The following RHOT2 variants were observed in gnomAD, a reference collection of about 807,000 sequenced individuals.
RHOT2 encodes mitochondrial Rho GTPase 2.
A neutral mutation model predicts 81.6 loss-of-function variants in RHOT2; 90 were observed. That is an observed-to-expected ratio of 1.10 (90% CI 0.93 to 1.31). The LOEUF (loss-of-function observed/expected upper bound fraction) is 1.31, where lower values mean the gene tolerates loss of function less well. Among genes scored for constraint, RHOT2 ranks in the 40% most tolerant of loss-of-function variants. The pLI is 0.00. For synonymous variants in RHOT2, 512 were observed against 370.9 expected, an observed-to-expected ratio of 1.38 and a Z score of -4.37; for missense variants, 1,014 against 841.9, an observed-to-expected ratio of 1.20 and a Z score of -2.53.
At position 673,010 on chromosome 16, in the gene RHOT2, C is replaced by T. The variant is rs571473801; in HGVS notation, c.1610C>T (p.Pro537Leu). Residue 537 changes from proline to leucine, a missense_variant, in exon 18 of 19, where the codon CCA becomes CTA. Transcript: ENST00000315082. ...CCCGAAGGTGTCGCGGTGTCTGGCC[C>T]ATCACCGGCCGAGTTTTGCCGCAAG... ...DLPEGVAVSG[P>L]SPAEFCRKHR... 2 of 1,612,616 alleles carry T rather than the reference C, an allele frequency of 1.2e-6. No individual in the cohort carries two copies. The highest frequency in any genetic ancestry group is 2.7e-5 in the African/African-American group (2 of 75,062).
rs150414071 is a variant in RHOT2, at chr16:669,161, G to A, written c.223-392G>A. ...GGTCCTGTCACTCTGTCTGTAGCGAGGGGGGAGGCAGGGGCCAAGGCGGCG... is the reference window on the plus strand; with the variant it reads ...GGTCCTGTCACTCTGTCTGTAGCGAAGGGGGAGGCAGGGGCCAAGGCGGCG... On this transcript the variant is annotated intron_variant, in intron 4 of 18. Coordinates refer to ENST00000315082, the MANE Select transcript of RHOT2 (RefSeq NM_138769.3). 2.0e-5 allele frequency: 8 copies of A among 393,096 alleles called. No homozygotes were observed. The South Asian group carries it at 2.4e-4, about 12-fold the overall frequency. 24.4% of individuals were successfully genotyped at this position (393,096 alleles called of 1,614,324 possible).
At chr16:669,526 A>C (rs936754406) in intron 4 of RHOT2, 27 bp from the exon 5 acceptor site, 3 of 1,609,434 alleles carry the variant, frequency 1.9e-6, no homozygotes, top group Non-Finnish European at 2.5e-6. Flanking sequence ...CAGCCCTGTC[A>C]CCCACACCTC....
rs993579294 is a variant in RHOT2, at chr16:669,253, C to T, written c.223-300C>T. ...GTCCTGAGCCCTCTGCTCCAAGGGT[C>T]TTGCTGACCACAGTTATGCTTCTGG... On this transcript the variant is annotated intron_variant, in intron 4 of 18. Transcript: ENST00000315082. 4.4e-5 allele frequency: 23 copies of T among 522,712 alleles called. 1 individual carries two copies. In the South Asian group the frequency reaches 4.4e-4, roughly 10 times the overall value. The allele number at this position is 522,712 out of a possible 1,614,324, so 32.4% of individuals were successfully genotyped here. A position where few individuals can be genotyped will look rare whatever the true frequency, so the allele number is the denominator to read the frequency against.
Position 668,492 on chromosome 16 carries a change from C to T in RHOT2, c.101C>T (p.Pro34Leu). ...GAGCGCGCGGGTCCCTTGCAGGTCC[C>T]TCCCCGCGCGGAGGAGATCACCATC... ...LVGEEFPEEV[P>L]PRAEEITIPA... Residue 34 changes from proline (P) to leucine (L), a missense_variant, in exon 3 of 19, where the codon CCT (proline) becomes CTT (leucine). Pro to Leu is a moderately conservative substitution (Grantham distance 98, BLOSUM62 -3). Coordinates refer to ENST00000315082, the MANE Select transcript of RHOT2 (RefSeq NM_138769.3). 6.2e-7 allele frequency: 1 copy of T among 1,605,696 alleles called. No homozygotes were observed. Among genetic ancestry groups the T allele is most frequent in the Non-Finnish European group, 8.5e-7 (1 of 1,176,936 alleles).
At position 672,106 on chromosome 16, in the gene RHOT2, C is replaced by G. The variant is rs551849157; in HGVS notation, c.1120C>G (p.Arg374Gly). 1.2e-5 allele frequency: 19 copies of G among 1,612,640 alleles called. No individual in the cohort carries two copies. Among genetic ancestry groups the G allele is most frequent in the Non-Finnish European group, 1.5e-5 (18 of 1,179,926 alleles). ...CAGCCTGGTGACCTACCTGGACGTC[C>G]GGAGCTGCCTTGGACACCTAGGCTA... Reference protein sequence around the residue: ...QWTLVTYLDVRSCLGHLGYLG... With the variant: ...QWTLVTYLDVGSCLGHLGYLG... The change falls in exon 14 of 19, where the codon CGG (arginine) becomes GGG (glycine). Residue 374 changes from arginine (R) to glycine (G), a missense_variant. Arg to Gly is a moderately radical substitution (Grantham distance 125, BLOSUM62 -2). Coordinates refer to ENST00000315082, the MANE Select transcript of RHOT2 (RefSeq NM_138769.3).
At chr16:668,315 G>GAA in intron 1 of RHOT2, 38 bp from the exon 2 acceptor site, 2 of 1,281,346 alleles carry the variant, frequency 1.6e-6, no homozygotes, top group South Asian at 2.5e-5. Flanking sequence ...GGGGCGCCGT[G>GAA]ACCTTGGCCC....
In RHOT2 at chr16:671,190, T is replaced by C. The variant is rs2038874766; in HGVS notation, c.856T>C (p.Tyr286His). The C allele has an allele frequency of 6.4e-7, 1 of 1,564,580 alleles. No individual in the cohort carries two copies. Among genetic ancestry groups the C allele is most frequent in the South Asian group, 1.2e-5 (1 of 85,586 alleles). The change falls in exon 11 of 19, where the codon TAT becomes CAT. Residue 286 changes from tyrosine (Y) to histidine (H), a missense_variant. Tyr to His is a moderately conservative substitution (Grantham distance 83). Transcript: ENST00000315082. ...CGATGCCCTGGAGCTGACTGCGGAC[T>C]ATCTCTCCCCTCTGTGAGTGATGCC... Reference protein sequence around the residue: ...YSDALELTADYLSPLIHVPPG... With the variant: ...YSDALELTADHLSPLIHVPPG...
chr16:668,823 G>A, intron 4 of RHOT2, 124 bp downstream of exon 4: 1 of 1,071,626 alleles, frequency 9.3e-7, no homozygotes, highest in Non-Finnish European at 1.3e-6. Flanking sequence ...TGTGACCTCC[G>A]CACTGAGGGT....
At position 670,721 on chromosome 16, in the gene RHOT2, C is replaced by G. The variant is rs565061375; in HGVS notation, c.587C>G (p.Ser196Ter). Residue 196 changes from serine to a stop codon, truncating the protein, a stop_gained, in exon 9 of 19, where the codon TCA (serine) becomes TGA (stop). Coordinates refer to ENST00000315082, the MANE Select transcript of RHOT2 (RefSeq NM_138769.3). LOFTEE classifies it high-confidence loss of function. ...AQALTRIFRL[S>*]DQDLDQALSD... Reference sequence around the variant, plus strand: ...GCGCTGACGCGCATCTTCAGGCTCTCAGATCAGGACCTGGACCAGGCGCTC... The same window carrying G: ...GCGCTGACGCGCATCTTCAGGCTCTGAGATCAGGACCTGGACCAGGCGCTC... 1 of 1,612,470 alleles carries G rather than the reference C, an allele frequency of 6.2e-7. No individual in the cohort carries two copies. The highest frequency in any genetic ancestry group is 1.3e-5 in the African/African-American group (1 of 75,064).
At position 672,167 on chromosome 16, in the gene RHOT2, C is replaced by T. The variant is rs573718096; in HGVS notation, c.1181C>T (p.Ala394Val). 7 of 1,612,712 alleles carry T rather than the reference C, an allele frequency of 4.3e-6. No homozygotes were observed. The highest frequency in any genetic ancestry group is 2.2e-5 in the East Asian group (1 of 44,868). Reference protein sequence around the residue: ...GYPTLCEQDQAHAITVTREKR... With the variant: ...GYPTLCEQDQVHAITVTREKR... ...CCCACCCTCTGTGAGCAGGACCAGG[C>T]CCATGCCATCACAGGTAGGCACCCA... Residue 394 changes from alanine to valine, a missense_variant, in exon 14 of 19, where the codon GCC (alanine) becomes GTC (valine). By Grantham distance (64) the Ala-to-Val change is moderately conservative (BLOSUM62 0). Transcript: ENST00000315082.
chr16:668,717 G>A lies in RHOT2; in HGVS notation c.222+18G>A. The stretch of plus-strand genomic sequence containing the variant: ...TCCACAAGGTACCCGTGGTGCGCGG[G>A]ACGAGGGAGGGGCTGGGCGCGGGCT... On this transcript the variant is annotated intron_variant, in intron 4 of 18. Transcript: ENST00000315082. 1 of 1,584,318 alleles carries A rather than the reference G, an allele frequency of 6.3e-7. No individual in the cohort carries two copies. The highest frequency in any genetic ancestry group is 8.6e-7 in the Non-Finnish European group (1 of 1,167,924).
Position 668,551 on chromosome 16 carries a change from C to T in RHOT2, c.160C>T (p.His54Tyr), listed in dbSNP as rs1567232471. The T allele has an allele frequency of 6.2e-6, 10 of 1,610,868 alleles. No individual in the cohort carries two copies. Among genetic ancestry groups the T allele is most frequent in the Non-Finnish European group, 8.5e-6 (10 of 1,179,184 alleles). The change falls in exon 3 of 19, where the codon CAC becomes TAC. Residue 54 changes from histidine to tyrosine, a missense_variant. Physicochemically the swap from His to Tyr is moderately conservative, Grantham distance 83. Coordinates refer to ENST00000315082, the MANE Select transcript of RHOT2 (RefSeq NM_138769.3). ...ADVTPEKVPTHIVDYSEAEQT... is the reference protein window; with the variant it reads ...ADVTPEKVPTYIVDYSEAEQT... ...CGTCACCCCGGAGAAGGTGCCCACCCACATCGTGGACTACTCAGGTAGCGG... is the reference window on the plus strand; with the variant it reads ...CGTCACCCCGGAGAAGGTGCCCACCTACATCGTGGACTACTCAGGTAGCGG...
chr16:668,726 G>GGGGC (rs1365455279), intron 4 of RHOT2, 27 bp downstream of exon 4: 2 of 1,573,238 alleles, frequency 1.3e-6, no homozygotes, highest in Non-Finnish European at 1.7e-6. Context: ...GGACGAGGGA[G>GGGGC]GGGCTGGGCG....
At chr16:673,248 C>A (rs1596531037) in intron 18 of RHOT2, 118 bp downstream of exon 18, 1 of 1,310,476 alleles carries the variant, frequency 7.6e-7, no homozygotes, top group Non-Finnish European at 1.1e-6. Context: ...GAGCAGTGGG[C>A]AGCAGTGGCG....
In RHOT2 at chr16:670,789, A is replaced by G. The variant is rs1470663527; in HGVS notation, c.639+16A>G. The G allele has an allele frequency of 6.2e-7, 1 of 1,610,144 alleles. No homozygotes were observed. Among genetic ancestry groups the G allele is most frequent in the Admixed American group, 1.7e-5 (1 of 59,972 alleles). On this transcript the variant is annotated intron_variant, in intron 9 of 18. Transcript: ENST00000315082. Reference sequence around the variant, plus strand: ...CGCTTTCCAGGTGTGCCCCTGCCCCACCCTCGGTGCCCAGCCCCCTTGAAC... The same window carrying G: ...CGCTTTCCAGGTGTGCCCCTGCCCCGCCCTCGGTGCCCAGCCCCCTTGAAC...
At chr16:670,820 C>T (rs1407931046) in intron 9 of RHOT2, 47 bp downstream of exon 9, 4 of 1,603,696 alleles carry the variant, frequency 2.5e-6, no homozygotes, top group Non-Finnish European at 3.4e-6. Flanking sequence ...TGAACCTCCG[C>T]TGCCGTTAGT....
At chr16:670,023 T>C in intron 5 of RHOT2, 100 bp from the exon 6 acceptor site, 1 of 1,178,368 alleles carries the variant, frequency 8.5e-7, no homozygotes, top group Non-Finnish European at 1.2e-6. Context: ...CAGTGGGCCT[T>C]GACCTCCCCC....
rs143784862 is a variant in RHOT2 at position 670,482 on chromosome 16, C to A, written c.465C>A (p.Ile155=). ...VECSAKNLRN[I]SELFYYAQKA... ...GTTCGGCCAAGAACCTGAGGAACAT[C>A]TCAGAGCTGTTCTACTACGCCCAGA... Residue 155 remains isoleucine (I), a synonymous_variant, in exon 8 of 19, where the codon ATC becomes ATA. Transcript: ENST00000315082. 7.5e-6 allele frequency: 12 copies of A among 1,608,242 alleles called. No individual in the cohort carries two copies. The highest frequency in any genetic ancestry group is 9.3e-6 in the Non-Finnish European group (11 of 1,177,376).
chr16:669,466 T>G, intron 4 of RHOT2, 87 bp from the exon 5 acceptor site: 2 of 1,402,382 alleles, frequency 1.4e-6, no homozygotes, highest in Non-Finnish European at 2.0e-6. Context: ...TGGGGCCTCC[T>G]GGAGCCTCGA....
Sources: gnomAD v4.1 joint callset for allele counts on GRCh38, gnomAD v4.1.1 for gene constraint, MANE v1.5 for transcripts, NCBI Gene and HGNC (gene_info 2026-07-23, HGNC 2026-07-21) for gene names.